FOXN3: variants seen among roughly 807,000 people sequenced by gnomAD.
FOXN3 encodes forkhead box protein N3.
In FOXN3, 7 loss-of-function variants were observed where a neutral mutation model predicts 38.4. That is an observed-to-expected ratio of 0.18 (90% CI 0.10 to 0.34). The LOEUF (loss-of-function observed/expected upper bound fraction) is 0.34. FOXN3 is among the 10% of genes least tolerant of loss of function. The pLI, the probability that FOXN3 is intolerant of heterozygous loss-of-function variation, is 1.00. For synonymous variants in FOXN3, 230 were observed against 242.2 expected (o/e 0.95, Z 0.47); for missense variants, 456 against 613.4 (o/e 0.74, Z 2.71).
chr14:89,267,463 G>C (rs888666656), intron 4 of FOXN3, among the ~76,000 whole-genome samples: 1 of 152,184 alleles, frequency 6.6e-6, no homozygotes. Context: ...GCTCTGGCTG[G>C]GGGAGGGGAA....
intron 2 of FOXN3, among the ~76,000 whole-genome samples, chr14:89,382,260 A>G (rs1890668447): frequency 6.6e-6 from 1 of 151,964 alleles, no homozygotes; most frequent in Admixed American, 6.6e-5. Context: ...ACCTAATTCC[A>G]TCCTTCATTA....
At chr14:89,256,106 T>C (rs1201200836) in intron 4 of FOXN3, among the ~76,000 whole-genome samples, 1 of 151,990 alleles carries the variant, frequency 6.6e-6, no homozygotes, top group East Asian at 1.9e-4. Context: ...TCAGAATGAG[T>C]GTGCTGGCAC....
At chr14:89,586,525 C>T (rs986341750) in intron 1 of FOXN3, among the ~76,000 whole-genome samples, 1 of 152,198 alleles carries the variant, frequency 6.6e-6, no homozygotes, top group Non-Finnish European at 1.5e-5. Flanking sequence ...AGCTATTCAA[C>T]TGCTCAATTC....
chr14:89,261,249 A>T (rs899072208), intron 4 of FOXN3, among the ~76,000 whole-genome samples: 4 of 152,204 alleles, frequency 2.6e-5, no homozygotes, highest in Non-Finnish European at 5.9e-5. Flanking sequence ...TATGGCAGGC[A>T]TGGGAGCAAC....
intron 3 of FOXN3, among the ~76,000 whole-genome samples, chr14:89,300,179 A>AC (rs1453925882): frequency 1.6e-4 from 19 of 121,394 alleles, no homozygotes; most frequent in Non-Finnish European, 3.1e-4. Flanking sequence ...CAAGAAATGT[A>AC]CTTTTTTTTT....
At chr14:89,469,556 G>A (rs372997683) in intron 1 of FOXN3, among the ~76,000 whole-genome samples, 44 of 152,304 alleles carry the variant, frequency 2.9e-4, no homozygotes, top group African/African-American at 1.0e-3. Flanking sequence ...CTGGGCTTTC[G>A]TTTTCTTTCT....
intron 1 of FOXN3, among the ~76,000 whole-genome samples, chr14:89,547,776 G>T (rs915421051): frequency 2.6e-5 from 4 of 152,132 alleles, no homozygotes; most frequent in Admixed American, 2.6e-4. Context: ...CACCAAGGCT[G>T]GTGTGAATGT....
In FOXN3 at chr14:89,367,937, T is replaced by C. The variant is rs187765815; in HGVS notation, c.544-17129A>G. ...TATCTTCCTCAATCCCAGCATCCCA[T>C]GCTCCTCACCAATTATGTTCCTGTG... On this transcript the variant is annotated intron_variant, in intron 2 of 5. Transcript: ENST00000557258. 3.0e-4 allele frequency among the ~76,000 whole-genome samples: 45 copies of C among 152,304 alleles called. No homozygotes were observed. In the East Asian group the frequency reaches 8.3e-3, roughly 28 times the overall value.
intron 1 of FOXN3, among the ~76,000 whole-genome samples, chr14:89,427,457 C>G (rs1892063233): frequency 1.3e-5 from 2 of 149,000 alleles, no homozygotes; most frequent in Admixed American, 1.3e-4. Flanking sequence ...AGGCCTCCAC[C>G]ACTGCGCCCG....
intron 3 of FOXN3, among the ~76,000 whole-genome samples, chr14:89,288,636 C>T (rs539916690): frequency 2.3e-4 from 26 of 111,770 alleles, no homozygotes; most frequent in African/African-American, 6.7e-4. Context: ...AAAATGGAAA[C>T]GACATACTCC....
intron 2 of FOXN3, chr14:89,400,288 GA>G (rs1165174193): frequency 6.6e-6 from 1 of 152,186 alleles, no homozygotes; most frequent in Non-Finnish European, 1.5e-5. Context: ...AACTGAAATA[GA>G]GGTTTGATTT....
At chr14:89,475,331 C>A (rs780637288) in intron 1 of FOXN3, among the ~76,000 whole-genome samples, 6 of 152,078 alleles carry the variant, frequency 3.9e-5, no homozygotes, top group Non-Finnish European at 7.4e-5. Flanking sequence ...TAATAATAGG[C>A]CATCTCTAGT....
chr14:89,431,285 C>T (rs573686738), intron 1 of FOXN3, among the ~76,000 whole-genome samples: 2 of 152,276 alleles, frequency 1.3e-5, no homozygotes, highest in South Asian at 4.1e-4. Flanking sequence ...ACTGCAACTT[C>T]TTCAGCTTCA....
chr14:89,355,653 C>T (rs546683070), intron 2 of FOXN3, among the ~76,000 whole-genome samples: 7 of 152,302 alleles, frequency 4.6e-5, no homozygotes, highest in African/African-American at 9.6e-5. Flanking sequence ...CAAACTAGAA[C>T]CAAATAGAAT....
chr14:89,598,139 G>T (rs192404518), intron 1 of FOXN3, among the ~76,000 whole-genome samples: 2 of 151,796 alleles, frequency 1.3e-5, no homozygotes, highest in Non-Finnish European at 2.9e-5. Flanking sequence ...ACACAACTTC[G>T]TTATCACTTC....
chr14:89,245,066 G>A (rs1004580749), intron 4 of FOXN3, among the ~76,000 whole-genome samples: 1 of 152,174 alleles, frequency 6.6e-6, no homozygotes, highest in African/African-American at 2.4e-5. Flanking sequence ...GGGTGCTGCT[G>A]AATGAATTTT....
intron 2 of FOXN3, among the ~76,000 whole-genome samples, chr14:89,379,055 C>T (rs1230749544): frequency 6.6e-6 from 1 of 152,138 alleles, no homozygotes; most frequent in Non-Finnish European, 1.5e-5. Flanking sequence ...AGGGTCAGGG[C>T]CAGAATCTTG....
intron 3 of FOXN3, among the ~76,000 whole-genome samples, chr14:89,329,407 G>T (rs528295748): frequency 2.0e-5 from 3 of 152,268 alleles, no homozygotes; most frequent in African/African-American, 7.2e-5. Context: ...AACTGGGGTT[G>T]GTTTTGCTCC....
intron 4 of FOXN3, among the ~76,000 whole-genome samples, chr14:89,238,253 G>T (rs547551742): frequency 6.6e-6 from 1 of 152,262 alleles, no homozygotes; most frequent in South Asian, 2.1e-4. Flanking sequence ...AACATCAATG[G>T]TAACTGTGTT....
Sources: gnomAD v4.1 joint callset for allele counts (sites outside exome capture counted in the v4.1 genomes callset) on GRCh38, gnomAD v4.1.1 for gene constraint, MANE v1.5 for transcripts, NCBI Gene and HGNC (gene_info 2026-07-23, HGNC 2026-07-21) for gene names.